NRROS: variants seen among roughly 807,000 people sequenced by gnomAD.
NRROS encodes negative regulator of reactive oxygen species, also known as transforming growth factor beta activator LRRC33.
Under a neutral mutation model 12.0 loss-of-function variants are expected in NRROS, and 6 were observed. That is an observed-to-expected ratio of 0.50 (90% CI 0.27 to 0.98). NRROS has a LOEUF of 0.98. Among genes scored for constraint, NRROS ranks in the 50% least tolerant of loss-of-function variants. NRROS has a pLI of 0.11. For missense variants in NRROS, 857 were observed against 888.2 expected, an observed-to-expected ratio of 0.96 and a Z score of 0.45; for synonymous variants, 462 against 410.2, an observed-to-expected ratio of 1.13 and a Z score of -1.53.
In NRROS at chr3:196,654,727, T is replaced by C. The variant is rs1323181740; in HGVS notation, c.108+80T>C. ...GTCCATTTGGAAAGCTGACAGATTG[T>C]CCATCAGGAAGGGCAGAGAATGAAG... On this transcript the variant is annotated intron_variant, in intron 2 of 2. Coordinates refer to ENST00000328557, the MANE Select transcript of NRROS (RefSeq NM_198565.3). The surrounding 1 kb of genome is among the most constrained non-coding windows in gnomAD (Gnocchi z 4.4). 2 of 889,884 alleles carry C rather than the reference T, an allele frequency of 2.2e-6. No individual in the cohort carries two copies. The highest frequency in any genetic ancestry group is 3.6e-6 in the Non-Finnish European group (2 of 561,442). The allele number at this position is 889,884 out of a possible 1,614,324, so 55.1% of individuals were successfully genotyped here.
chr3:196,652,071 G>A (rs546462249), intron 1 of NRROS, among the ~76,000 whole-genome samples: 2 of 152,220 alleles, frequency 1.3e-5, no homozygotes, highest in South Asian at 4.1e-4. Context: ...GGAAGGCGCA[G>A]CTCTGGGGAC....
At position 196,659,925 on chromosome 3, in the gene NRROS, G is replaced by A. The variant is rs761053781; in HGVS notation, c.282G>A (p.Glu94=). 6.2e-7 allele frequency: 1 copy of A among 1,614,106 alleles called. No individual in the cohort carries two copies. The highest frequency in any genetic ancestry group is 1.7e-5 in the Admixed American group (1 of 60,030). The stretch of plus-strand genomic sequence containing the variant: ...TCAGCCTGCACAGCTGCCACCTGGA[G>A]CGCATCAGCCGCGGCGCCTTCCAGG... ...ESLSLHSCHL[E]RISRGAFQEQ... is the part of the protein sequence containing the mutation. Residue 94 remains glutamate, a synonymous_variant, in exon 3 of 3, where the codon GAG becomes GAA. Coordinates refer to ENST00000328557, the MANE Select transcript of NRROS (RefSeq NM_198565.3).
chr3:196,660,765 C>T lies in NRROS; in HGVS notation c.1122C>T (p.Pro374=), dbSNP rs768018932. Reference sequence around the variant, plus strand: ...CGCTTCACATTCGGGAGCACGAGCCCCCCGGAGCGCTCACCGAGCTGGACC... The same window carrying T: ...CGCTTCACATTCGGGAGCACGAGCCTCCCGGAGCGCTCACCGAGCTGGACC... ...LMTLHIREHE[P]PGALTELDLS... The change falls in exon 3 of 3, where the codon CCC becomes CCT. Residue 374 remains proline (P), a synonymous_variant. Transcript: ENST00000328557. This position sits in a 1 kb window ranked among gnomAD's most constrained non-coding sequence, Gnocchi z 7.7. The T allele has an allele frequency of 5.0e-6, 8 of 1,613,762 alleles. No individual in the cohort carries two copies. In the African/African-American group the frequency reaches 9.3e-5, roughly 19 times the overall value.
chr3:196,644,414 A>G (rs1737267196), intron 1 of NRROS, among the ~76,000 whole-genome samples: 1 of 151,072 alleles, frequency 6.6e-6, no homozygotes, highest in South Asian at 2.1e-4. Flanking sequence ...AAAAAAAAAA[A>G]GTTAAATCAC....
At chr3:196,658,674 A>G (rs1046469158) in intron 2 of NRROS, among the ~76,000 whole-genome samples, 4 of 152,000 alleles carry the variant, frequency 2.6e-5, no homozygotes, top group African/African-American at 9.7e-5. Context: ...ATCACTTAAA[A>G]CTTCTTTCTG....
At chr3:196,656,496 C>T (rs1448339026) in intron 2 of NRROS, among the ~76,000 whole-genome samples, 1 of 152,188 alleles carries the variant, frequency 6.6e-6, no homozygotes, top group Non-Finnish European at 1.5e-5. Context: ...CTACCAATAA[C>T]ATCATGCTGT....
intron 1 of NRROS, among the ~76,000 whole-genome samples, chr3:196,640,121 G>C (rs1253810343): frequency 6.6e-6 from 1 of 152,244 alleles, no homozygotes; most frequent in Non-Finnish European, 1.5e-5. Context: ...AAGGTGGTGC[G>C]ACGTAGTGGA....
intron 1 of NRROS, among the ~76,000 whole-genome samples, chr3:196,651,902 G>T (rs1737436509): frequency 6.6e-6 from 1 of 152,200 alleles, no homozygotes; most frequent in Non-Finnish European, 1.5e-5. Context: ...GATTCTTTCT[G>T]CCCTCTACTG....
intron 1 of NRROS, among the ~76,000 whole-genome samples, chr3:196,646,815 G>A (rs1163000379): frequency 6.6e-6 from 1 of 152,214 alleles, no homozygotes; most frequent in Non-Finnish European, 1.5e-5. Flanking sequence ...CGGAGAACCG[G>A]GTGGGAACCG....
chr3:196,656,942 G>A (rs946886923), intron 2 of NRROS, among the ~76,000 whole-genome samples: 9 of 152,032 alleles, frequency 5.9e-5, no homozygotes, highest in South Asian at 2.1e-4. Context: ...GGTGGCTCCC[G>A]CCTGTAATCT....
rs778392129 is a variant in NRROS, at chr3:196,659,774, G to T, written c.131G>T (p.Arg44Leu). 1 of 1,611,356 alleles carries T rather than the reference G, an allele frequency of 6.2e-7. No individual in the cohort carries two copies. The highest frequency in any genetic ancestry group is 8.5e-7 in the Non-Finnish European group (1 of 1,178,434). ...CKLVGGAADCRGQSLASVPSS... is the reference protein window; with the variant it reads ...CKLVGGAADCLGQSLASVPSS... ...CAGGTGGGTGGAGCCGCTGACTGCC[G>T]AGGGCAGAGCCTCGCTTCGGTGCCC... Residue 44 changes from arginine (R) to leucine (L), a missense_variant, in exon 3 of 3, where the codon CGA (arginine) becomes CTA (leucine). Coordinates refer to ENST00000328557, the MANE Select transcript of NRROS (RefSeq NM_198565.3).
intron 2 of NRROS, among the ~76,000 whole-genome samples, chr3:196,659,528 T>C (rs55755506): frequency 0.18 from 27,290 of 151,924 alleles, 2,875 homozygotes; most frequent in Admixed American, 0.33. Flanking sequence ...AGGCTGGTTT[T>C]GAACTCCTGA....
chr3:196,643,806 C>A (rs1737253469), intron 1 of NRROS, among the ~76,000 whole-genome samples: 1 of 152,238 alleles, frequency 6.6e-6, no homozygotes, highest in African/African-American at 2.4e-5. Flanking sequence ...CTCTTCTACC[C>A]TTGCAGTGTC....
intron 1 of NRROS, among the ~76,000 whole-genome samples, chr3:196,644,774 A>G (rs1737276012): frequency 1.7e-5 from 1 of 58,396 alleles, no homozygotes; most frequent in Non-Finnish European, 4.4e-5. Context: ...TCTGTCAAAA[A>G]AAAAAAAAAA....
At chr3:196,640,251 G>C (rs535130810) in intron 1 of NRROS, among the ~76,000 whole-genome samples, 1 of 152,288 alleles carries the variant, frequency 6.6e-6, no homozygotes, top group South Asian at 2.1e-4. Context: ...GAACAGAGAT[G>C]CTCCCTCCCT....
intron 1 of NRROS, among the ~76,000 whole-genome samples, chr3:196,646,067 A>G (rs1353823152): frequency 6.6e-6 from 1 of 152,244 alleles, no homozygotes; most frequent in Non-Finnish European, 1.5e-5. Context: ...GTGAAGTCCG[A>G]ACATTCCCTT....
At position 196,654,854 on chromosome 3, in the gene NRROS, G is replaced by A; in HGVS notation, c.108+207G>A. 1 of 544,780 alleles carries A rather than the reference G, an allele frequency of 1.8e-6. No homozygotes were observed. Among genetic ancestry groups the A allele is most frequent in the South Asian group, 2.3e-5 (1 of 43,242 alleles). The allele number at this position is 544,780 out of a possible 1,614,324, so 33.7% of individuals were successfully genotyped here. On this transcript the variant is annotated intron_variant, in intron 2 of 2. Transcript: ENST00000328557. The surrounding 1 kb of genome is among the most constrained non-coding windows in gnomAD (Gnocchi z 4.4). ...TCCTGGGAAGAGCCAGGCAGTCCCT[G>A]CCCCGCCGTTCTCACGCCTGCTGAG...
At chr3:196,659,114 G>T (rs1341780597) in intron 2 of NRROS, among the ~76,000 whole-genome samples, 1 of 152,096 alleles carries the variant, frequency 6.6e-6, no homozygotes, top group African/African-American at 2.4e-5. Flanking sequence ...GACCAGGGTG[G>T]CCTCGTCCCT....
At chr3:196,648,392 C>T (rs144523163) in intron 1 of NRROS, among the ~76,000 whole-genome samples, 2 of 152,276 alleles carry the variant, frequency 1.3e-5, no homozygotes, top group Non-Finnish European at 2.9e-5. Context: ...CTCATATCAT[C>T]TGTGCATCTG....
Sources: allele counts gnomAD v4.1 joint callset (sites outside exome capture counted in the v4.1 genomes callset), GRCh38; gene constraint gnomAD v4.1.1; non-coding constraint Gnocchi (gnomAD v3.1); transcripts MANE v1.5; gene names NCBI Gene and HGNC (gene_info 2026-07-23, HGNC 2026-07-21).